Variants in COL24A1 observed in about 807,000 individuals in gnomAD.
COL24A1 encodes the protein collagen type XXIV alpha 1 chain.
COL24A1 carries 224 observed loss-of-function variants against 253.9 expected under a neutral mutation model. The ratio of observed to expected loss-of-function variants is 0.88; its 90% CI spans 0.79 to 0.99. COL24A1 has a LOEUF of 0.99. COL24A1 is among the 50% of genes least tolerant of loss of function. The pLI is 0.00. For missense variants in COL24A1, 2,131 were observed against 2,068.5 expected (o/e 1.03, Z -0.59); for synonymous variants, 685 against 673.7 (o/e 1.02, Z -0.26).
intron 28 of COL24A1, among the ~76,000 whole-genome samples, chr1:85,897,620 C>T (rs1683879703): frequency 6.6e-6 from 1 of 151,984 alleles, no homozygotes; most frequent in Non-Finnish European, 1.5e-5. Context: ...TAATTAGTTG[C>T]AAAAAAGCCG....
At chr1:85,997,567 A>G (rs12031072) in intron 19 of COL24A1, among the ~76,000 whole-genome samples, 58,771 of 151,532 alleles carry the variant, frequency 0.39, 11,825 homozygotes, top group East Asian at 0.58. Context: ...GGTGGATCAC[A>G]AGGTCAGGAG....
chr1:85,899,385 A>C (rs779934558), intron 28 of COL24A1, among the ~76,000 whole-genome samples: 3 of 152,202 alleles, frequency 2.0e-5, no homozygotes, highest in African/African-American at 7.2e-5. Flanking sequence ...TATTTCTTTG[A>C]TATTTTATTA....
chr1:85,803,830 T>C (rs1176482971), intron 47 of COL24A1, among the ~76,000 whole-genome samples: 1 of 152,210 alleles, frequency 6.6e-6, no homozygotes, highest in African/African-American at 2.4e-5. Context: ...TCTAGACATC[T>C]TTTATTTCTT....
At chr1:85,913,191 T>C (rs1040786123) in intron 24 of COL24A1, among the ~76,000 whole-genome samples, 1 of 152,202 alleles carries the variant, frequency 6.6e-6, no homozygotes, top group Non-Finnish European at 1.5e-5. Context: ...AATGTTCATG[T>C]GCATGGAATT....
chr1:85,811,813 G>A (rs535018809), intron 47 of COL24A1, among the ~76,000 whole-genome samples: 4 of 152,316 alleles, frequency 2.6e-5, no homozygotes, highest in Admixed American at 2.0e-4. Context: ...AGTGGACCCT[G>A]AAGTAAGAAA....
At chr1:86,148,150 T>C (rs938837462) in intron 1 of COL24A1, among the ~76,000 whole-genome samples, 4 of 152,116 alleles carry the variant, frequency 2.6e-5, no homozygotes, top group Non-Finnish European at 5.9e-5. Flanking sequence ...GGCTGCACAC[T>C]GGAATTACCT....
At chr1:85,964,207 A>C (rs568540809) in intron 23 of COL24A1, among the ~76,000 whole-genome samples, 1 of 152,284 alleles carries the variant, frequency 6.6e-6, no homozygotes, top group South Asian at 2.1e-4. Flanking sequence ...AAAACTTACC[A>C]ATTCTTATAA....
chr1:85,938,363 C>T (rs1303423274), intron 24 of COL24A1, among the ~76,000 whole-genome samples: 1 of 146,712 alleles, frequency 6.8e-6, no homozygotes, highest in Non-Finnish European at 1.5e-5. Flanking sequence ...GTGAGAGTCT[C>T]ACTGAACTAT....
chr1:86,129,952 A>G (rs771861247), intron 2 of COL24A1, among the ~76,000 whole-genome samples: 7 of 151,812 alleles, frequency 4.6e-5, no homozygotes, highest in Admixed American at 6.6e-5. Context: ...TCTGCCATCA[A>G]CTGAGAGATA....
At chr1:85,859,891 G>A (rs1212724905) in intron 37 of COL24A1, among the ~76,000 whole-genome samples, 1 of 152,170 alleles carries the variant, frequency 6.6e-6, no homozygotes, top group African/African-American at 2.4e-5. Flanking sequence ...GCTGAGGCAG[G>A]AGAATTCCTT....
chr1:85,872,802 A>C (rs1266240005), intron 35 of COL24A1, among the ~76,000 whole-genome samples: 12 of 152,046 alleles, frequency 7.9e-5, no homozygotes, highest in Admixed American at 2.0e-4. Flanking sequence ...TCTAAAACAC[A>C]AAAAGCAATG....
chr1:85,784,347 C>T lies in COL24A1; in HGVS notation c.4079G>A (p.Gly1360Asp), dbSNP rs372002011. The stretch of plus-strand genomic sequence containing the variant: ...TCTTTTACCTTGAATTCCAGGTTGA[C>T]CAGGTAGCCCTTGTTCACCCTATGG... Reference protein sequence around the residue: ...QGPKGEQGLPGQPGIQGKRGH... With the variant: ...QGPKGEQGLPDQPGIQGKRGH... The change falls in exon 49 of 60, where the codon GGT becomes GAT. Residue 1360 changes from glycine (G) to aspartate (D), a missense_variant. Coordinates refer to ENST00000370571, the MANE Select transcript of COL24A1 (RefSeq NM_152890.7). 1 of 1,613,688 alleles carries T rather than the reference C, an allele frequency of 6.2e-7. No individual in the cohort carries two copies. The highest frequency in any genetic ancestry group is 1.7e-5 in the Admixed American group (1 of 59,960).
At position 86,031,939 on chromosome 1, in the gene COL24A1, T is replaced by G; in HGVS notation, c.2005-17A>C. ...TACAAGTCCCTATTGTAAAAGAAAT[T>G]TGCAATACTTATTAAATTTGATTCC... On this transcript the variant is annotated splice_polypyrimidine_tract_variant and intron_variant, in intron 13 of 59. Transcript: ENST00000370571. The G allele has an allele frequency of 6.2e-7, 1 of 1,603,676 alleles. No homozygotes were observed. The highest frequency in any genetic ancestry group is 8.5e-7 in the Non-Finnish European group (1 of 1,174,452).
chr1:86,012,307 T>A (rs1437359825), intron 19 of COL24A1, among the ~76,000 whole-genome samples: 1 of 152,090 alleles, frequency 6.6e-6, no homozygotes, highest in Non-Finnish European at 1.5e-5. Flanking sequence ...ATTGCCCTAC[T>A]GGCCAGGTGC....
chr1:86,084,267 A>G (rs1183686438), intron 7 of COL24A1, among the ~76,000 whole-genome samples: 2 of 152,260 alleles, frequency 1.3e-5, no homozygotes, highest in East Asian at 3.8e-4. Context: ...TAAACTTCCT[A>G]ATGTTCTAAG....
intron 8 of COL24A1, among the ~76,000 whole-genome samples, chr1:86,060,629 C>T (rs1232011208): frequency 6.6e-6 from 1 of 152,010 alleles, no homozygotes; most frequent in Admixed American, 6.6e-5. Context: ...CTCTTCCCTT[C>T]CCTTGATCAA....
intron 24 of COL24A1, among the ~76,000 whole-genome samples, chr1:85,941,622 CT>C (rs10708659): frequency 0.74 from 112,591 of 151,816 alleles, 41,843 homozygotes; most frequent in East Asian, 0.79. Flanking sequence ...GAGACATGTA[CT>C]TTTTTTTAAA....
intron 19 of COL24A1, among the ~76,000 whole-genome samples, chr1:86,016,755 C>T (rs1438622699): frequency 1.3e-5 from 2 of 152,120 alleles, no homozygotes; most frequent in African/African-American, 4.8e-5. Flanking sequence ...GTACTACAGA[C>T]TTAATTGTAT....
intron 19 of COL24A1, among the ~76,000 whole-genome samples, chr1:86,007,112 G>A (rs555760488): frequency 1.5e-4 from 23 of 152,154 alleles, no homozygotes; most frequent in East Asian, 5.8e-4. Context: ...CTACTCAGGC[G>A]GCTGAGGTGG....
Sources: allele counts gnomAD v4.1 joint callset (sites outside exome capture counted in the v4.1 genomes callset), GRCh38; gene constraint gnomAD v4.1.1; transcripts MANE v1.5; gene names NCBI Gene and HGNC (gene_info 2026-07-23, HGNC 2026-07-21).